FBXO31: variants seen among roughly 807,000 people sequenced by gnomAD.
FBXO31 encodes the protein F-box protein 31, also known as F-box only protein 31.
A neutral mutation model predicts 54.4 loss-of-function variants in FBXO31; 24 were observed. The observed-to-expected ratio is 0.44, with a 90% CI of 0.32 to 0.62. The LOEUF (loss-of-function observed/expected upper bound fraction) is 0.62. Among genes scored for constraint, FBXO31 ranks in the 20% least tolerant of loss-of-function variants. The pLI is 0.05. For synonymous variants in FBXO31, 388 were observed against 335.6 expected (o/e 1.16, Z -1.71); for missense variants, 665 against 787.1 (o/e 0.84, Z 1.86).
At chr16:87,343,540 G>A in intron 4 of FBXO31, 58 bp downstream of exon 4, 5 of 1,541,632 alleles carry the variant, frequency 3.2e-6, no homozygotes, top group Non-Finnish European at 4.4e-6. Context: ...AGGCCTGGCT[G>A]GAGCCCACAC....
intron 1 of FBXO31, among the ~76,000 whole-genome samples, chr16:87,371,703 G>T (rs1241743252): frequency 6.6e-6 from 1 of 152,220 alleles, no homozygotes; most frequent in African/African-American, 2.4e-5. Flanking sequence ...TTTCCAGACA[G>T]AAAGACAAAC....
At position 87,331,150 on chromosome 16, in the gene FBXO31, GT is replaced by G; in HGVS notation, c.*137del. ...CACTCTCTACATAAAGTGCTGGGGG[GT>G]GGCTGGACTGGGCCCCCCGACGAGG... On this transcript the variant is annotated 3_prime_UTR_variant, in exon 9 of 9. Coordinates refer to ENST00000311635, the MANE Select transcript of FBXO31 (RefSeq NM_024735.5). The G allele has an allele frequency of 1.4e-6, 1 of 717,570 alleles. No individual in the cohort carries two copies. The highest frequency in any genetic ancestry group is 2.7e-5 in the East Asian group (1 of 36,706). 44.5% of individuals were successfully genotyped at this position (717,570 alleles called of 1,614,324 possible).
At chr16:87,376,795 G>C (rs909371916) in intron 1 of FBXO31, among the ~76,000 whole-genome samples, 1 of 152,180 alleles carries the variant, frequency 6.6e-6, no homozygotes, top group Non-Finnish European at 1.5e-5. Context: ...TCCTCACAAG[G>C]CTGGGGCCAG....
upstream of FBXO31, among the ~76,000 whole-genome samples, chr16:87,387,424 T>C (rs1189479211): frequency 6.6e-6 from 1 of 152,228 alleles, no homozygotes; most frequent in Non-Finnish European, 1.5e-5. Context: ...TGAGAACTGA[T>C]AACATCTAAG....
At chr16:87,333,769 G>C in intron 8 of FBXO31, 117 bp downstream of exon 8, 1 of 1,425,678 alleles carries the variant, frequency 7.0e-7, no homozygotes, top group Non-Finnish European at 9.4e-7. Flanking sequence ...CAAAGCACCG[G>C]CTGCCGCCCT....
At chr16:87,337,732 G>A (rs1377038392) in intron 5 of FBXO31, among the ~76,000 whole-genome samples, 2 of 151,772 alleles carry the variant, frequency 1.3e-5, no homozygotes, top group African/African-American at 4.8e-5. Context: ...AAGGAACCAC[G>A]ACCCCGCCTT....
intron 1 of FBXO31, among the ~76,000 whole-genome samples, chr16:87,373,295 C>CA (rs1292164463): frequency 6.6e-6 from 1 of 151,624 alleles, no homozygotes; most frequent in Non-Finnish European, 1.5e-5. Flanking sequence ...ACTAAAAATA[C>CA]AAAAAAATTA....
chr16:87,378,223 A>G (rs576147272), intron 1 of FBXO31, among the ~76,000 whole-genome samples: 2 of 152,250 alleles, frequency 1.3e-5, no homozygotes, highest in East Asian at 3.9e-4. Flanking sequence ...CCACAAATCA[A>G]AGAAAGGAAA....
At chr16:87,340,689 G>A (rs1905165254) in intron 5 of FBXO31, among the ~76,000 whole-genome samples, 1 of 152,192 alleles carries the variant, frequency 6.6e-6, no homozygotes, top group Admixed American at 6.5e-5. Flanking sequence ...TGGGCGTGGT[G>A]GCTCATGCCT....
chr16:87,358,058 AG>A lies in FBXO31; in HGVS notation c.412+2236del, dbSNP rs1204645233. 2.0e-5 allele frequency among the ~76,000 whole-genome samples: 3 copies of A among 152,260 alleles called. No individual in the cohort carries two copies. Among genetic ancestry groups the A allele is most frequent in the Non-Finnish European group, 4.4e-5 (3 of 68,046 alleles). ...AAGTCAAATATTCATATTTCACTTT[AG>A]AATAAAATTTTAAAGCTTCTACTCT... On this transcript the variant is annotated intron_variant, in intron 2 of 8. Coordinates refer to ENST00000311635, the MANE Select transcript of FBXO31 (RefSeq NM_024735.5). This position sits in a 1 kb window ranked among gnomAD's most constrained non-coding sequence, Gnocchi z 4.0.
intron 2 of FBXO31, among the ~76,000 whole-genome samples, chr16:87,355,162 A>G (rs987407983): frequency 3.3e-5 from 5 of 152,192 alleles, no homozygotes; most frequent in African/African-American, 1.2e-4. Context: ...GTTTAAGACC[A>G]GCCTGGGCAA....
chr16:87,383,549 A>G lies in FBXO31; in HGVS notation c.196T>C (p.Ser66Pro). Residue 66 changes from serine to proline, a missense_variant, in exon 1 of 9, where the codon TCG becomes CCG. Coordinates refer to ENST00000311635, the MANE Select transcript of FBXO31 (RefSeq NM_024735.5). The surrounding 1 kb of genome is among the most constrained non-coding windows in gnomAD (Gnocchi z 4.9). ...AGCTCGGGCGGCAGCTCCAGCAGCG[A>G]GCAGCGCGGGGGCGGCGGCGAGGGG... ...AGPSPPPPRC[S>P]LLELPPELLV... The G allele has an allele frequency of 6.4e-7, 1 of 1,561,710 alleles. No homozygotes were observed. The highest frequency in any genetic ancestry group is 8.6e-7 in the Non-Finnish European group (1 of 1,159,808).
intron 2 of FBXO31, among the ~76,000 whole-genome samples, chr16:87,359,946 T>C (rs1392239100): frequency 1.3e-5 from 2 of 152,208 alleles, no homozygotes; most frequent in Non-Finnish European, 2.9e-5. Flanking sequence ...CATTTCCCAA[T>C]GACCACAGGC....
upstream of FBXO31, among the ~76,000 whole-genome samples, chr16:87,384,359 C>G (rs776579709): frequency 2.0e-5 from 3 of 152,202 alleles, no homozygotes; most frequent in Non-Finnish European, 4.4e-5. Context: ...CAGGGACCTT[C>G]GGGGATCCCG....
At chr16:87,353,538 A>T (rs1235708677) in intron 2 of FBXO31, among the ~76,000 whole-genome samples, 2 of 152,216 alleles carry the variant, frequency 1.3e-5, no homozygotes, top group Non-Finnish European at 2.9e-5. Flanking sequence ...TCAGAGACAG[A>T]GGGGGCCACG....
At chr16:87,381,732 C>T (rs1186565769) in intron 1 of FBXO31, among the ~76,000 whole-genome samples, 1 of 152,190 alleles carries the variant, frequency 6.6e-6, no homozygotes, top group African/African-American at 2.4e-5. Flanking sequence ...ACTTGAGGAA[C>T]TGCACCCTAC....
chr16:87,385,826 T>A (rs1197942507), upstream of FBXO31, among the ~76,000 whole-genome samples: 1 of 152,038 alleles, frequency 6.6e-6, no homozygotes, highest in East Asian at 1.9e-4. Context: ...CTGGCCAACA[T>A]GGTGAAACCT....
At chr16:87,361,640 C>T (rs573142400) in intron 1 of FBXO31, among the ~76,000 whole-genome samples, 8 of 152,308 alleles carry the variant, frequency 5.3e-5, no homozygotes, top group Non-Finnish European at 1.2e-4. Flanking sequence ...TGCTGCCCCT[C>T]ATCACATGCC....
chr16:87,375,579 A>G lies in FBXO31; in HGVS notation c.340+7826T>C, dbSNP rs540537056. Among the ~76,000 whole-genome samples the G allele has an allele frequency of 2.6e-5, 4 of 152,316 alleles. No homozygotes were observed. The East Asian group carries it at 7.7e-4, about 29-fold the overall frequency. Reference sequence around the variant, plus strand: ...TCAACTAAAAGGGCAACGACTAACCAAAACAAGCCCAGGCAGGGCCACGGC... The same window carrying G: ...TCAACTAAAAGGGCAACGACTAACCGAAACAAGCCCAGGCAGGGCCACGGC... On this transcript the variant is annotated intron_variant, in intron 1 of 8. Transcript: ENST00000311635.
Sources: gnomAD v4.1 joint callset for allele counts (sites outside exome capture counted in the v4.1 genomes callset) on GRCh38, gnomAD v4.1.1 for gene constraint, Gnocchi (gnomAD v3.1) non-coding constraint, MANE v1.5 for transcripts, NCBI Gene and HGNC (gene_info 2026-07-23, HGNC 2026-07-21) for gene names.